The following SDC4 variants were observed in gnomAD, a reference collection of about 807,000 sequenced individuals.
SDC4 encodes syndecan 4, also known as syndecan-4.
A neutral mutation model predicts 20.5 loss-of-function variants in SDC4; 17 were observed. The observed-to-expected ratio is 0.83, with a 90% confidence interval of 0.57 to 1.25. SDC4 has a LOEUF of 1.25. Ranked by LOEUF, SDC4 falls within the 50% of genes most tolerant of loss-of-function variation. The pLI is 0.00. For synonymous variants in SDC4, 107 were observed against 105.3 expected, an observed-to-expected ratio of 1.02 and a Z score of -0.10; for missense variants, 241 against 252.3, an observed-to-expected ratio of 0.96 and a Z score of 0.30.
chr20:45,335,976 G>A, intron 1 of SDC4, 56 bp from the exon 2 acceptor site: 1 of 1,580,402 alleles, frequency 6.3e-7, no homozygotes, highest in Non-Finnish European at 8.6e-7. Context: ...CATGACAGCT[G>A]ATGCCCAAAA....
intron 1 of SDC4, among the ~76,000 whole-genome samples, chr20:45,337,240 G>A (rs1408417175): frequency 6.6e-6 from 1 of 152,196 alleles, no homozygotes; most frequent in Non-Finnish European, 1.5e-5. Flanking sequence ...CAGCAGCTCT[G>A]AGCAAAGTTC....
rs1369361054 is a variant in SDC4 at position 45,325,455 on chromosome 20, C to A, written c.*1809G>T. The A allele has an allele frequency of 6.5e-6, 1 of 152,720 alleles. No individual in the cohort carries two copies. The highest frequency in any genetic ancestry group is 1.5e-5 in the Non-Finnish European group (1 of 68,150). 9.5% of individuals were successfully genotyped at this position (152,720 alleles called of 1,614,324 possible). On this transcript the variant is annotated 3_prime_UTR_variant, in exon 5 of 5. Transcript: ENST00000372733. ...CTGGGACCCTGGGTTGCAGTGGTGACGGGAGCTAATGGCCACTGGTGCAGC... is the reference window on the plus strand; with the variant it reads ...CTGGGACCCTGGGTTGCAGTGGTGAAGGGAGCTAATGGCCACTGGTGCAGC...
At chr20:45,343,709 C>A (rs1267560291) in intron 1 of SDC4, among the ~76,000 whole-genome samples, 1 of 152,184 alleles carries the variant, frequency 6.6e-6, no homozygotes, top group African/African-American at 2.4e-5. Flanking sequence ...ATGGAGAAAG[C>A]TTTCCAGGAG....
chr20:45,328,700 C>T (rs773367184), intron 4 of SDC4, among the ~76,000 whole-genome samples: 1 of 152,080 alleles, frequency 6.6e-6, no homozygotes, highest in Non-Finnish European at 1.5e-5. Context: ...CGGTCTTACT[C>T]GGGCTAAGAA....
intron 1 of SDC4, among the ~76,000 whole-genome samples, chr20:45,348,118 C>A (rs558920748): frequency 1.3e-5 from 2 of 150,780 alleles, no homozygotes; most frequent in East Asian, 4.0e-4. Context: ...GAGCAACAGG[C>A]GAGGGGCGCA....
chr20:45,342,519 T>C (rs995842092), intron 1 of SDC4, among the ~76,000 whole-genome samples: 2 of 152,180 alleles, frequency 1.3e-5, no homozygotes, highest in Non-Finnish European at 2.9e-5. Context: ...ACCCCAGGTG[T>C]CACCTGACCA....
chr20:45,327,426 GGA>G lies in SDC4; in HGVS notation c.446-13_446-12del. On this transcript the variant is annotated splice_polypyrimidine_tract_variant and intron_variant, in intron 4 of 4. Coordinates refer to ENST00000372733, the MANE Select transcript of SDC4 (RefSeq NM_002999.4). Reference sequence around the variant, plus strand: ...CACCCACAATCAGAGCTGGAGAGGAGGAGAGAGAAGAGGCGGGGGTGAGAGCT... The same window carrying G: ...CACCCACAATCAGAGCTGGAGAGGAGGAGAGAAGAGGCGGGGGTGAGAGCT... 3.1e-6 allele frequency: 5 copies of G among 1,610,334 alleles called. No homozygotes were observed. The highest frequency in any genetic ancestry group is 2.5e-6 in the Non-Finnish European group (3 of 1,176,928).
rs1287849964 is a variant in SDC4, at chr20:45,330,372, G to A, written c.439C>T (p.Leu147=). The A allele has an allele frequency of 6.2e-7, 1 of 1,613,906 alleles. No homozygotes were observed. The change falls in exon 4 of 5, where the codon CTG becomes TTG. Residue 147 remains leucine (L), a synonymous_variant. Transcript: ENST00000372733. Reference sequence around the variant, plus strand: ...AAGCAGCATGGGGACTTACCTGCCAGGACCTCCGTTCTCTCAAAGATGTTG... The same window carrying A: ...AAGCAGCATGGGGACTTACCTGCCAAGACCTCCGTTCTCTCAAAGATGTTG... The part of the protein sequence containing the change: ...GSNIFERTEV[L]AALIVGGIVG...
intron 4 of SDC4, 113 bp from the exon 5 acceptor site, chr20:45,327,528 A>C: frequency 3.3e-6 from 4 of 1,212,438 alleles, no homozygotes; most frequent in Non-Finnish European, 1.1e-6. Flanking sequence ...CCTCACCATC[A>C]CCACTGCCTG....
At chr20:45,330,715 C>T (rs1487217563) in intron 3 of SDC4, 151 bp from the exon 4 acceptor site, 2 of 670,088 alleles carry the variant, frequency 3.0e-6, no homozygotes, top group East Asian at 5.5e-5. Flanking sequence ...ACACTGTCTC[C>T]ACAATTATGC....
Position 45,340,357 on chromosome 20 carries a change from G to T in SDC4, c.61-4437C>A, listed in dbSNP as rs1039999801. On this transcript the variant is annotated intron_variant, in intron 1 of 4. Transcript: ENST00000372733. The stretch of plus-strand genomic sequence containing the variant: ...TTGCAGATGAGAAGACTGAGGTTCA[G>T]CTGAGTCACTTATCCAACGTCATGC... Among the ~76,000 whole-genome samples the T allele has an allele frequency of 3.3e-5, 5 of 152,118 alleles. No homozygotes were observed. In the South Asian group the frequency reaches 1.0e-3, roughly 32 times the overall value.
chr20:45,348,247 C>T, intron 1 of SDC4, 78 bp downstream of exon 1: 1 of 1,177,676 alleles, frequency 8.5e-7, no homozygotes, highest in Non-Finnish European at 1.2e-6. Context: ...CCCCCCCCAT[C>T]CCACGCTCCG....
chr20:45,339,500 A>G (rs1290588006), intron 1 of SDC4, among the ~76,000 whole-genome samples: 1 of 152,224 alleles, frequency 6.6e-6, no homozygotes, highest in East Asian at 1.9e-4. Flanking sequence ...CTTAATCCCA[A>G]CATTTTGGGA....
chr20:45,339,447 GA>G (rs1333649439), intron 1 of SDC4, among the ~76,000 whole-genome samples: 1 of 152,246 alleles, frequency 6.6e-6, no homozygotes, highest in East Asian at 1.9e-4. Flanking sequence ...ACACACAACA[GA>G]AATTACCAAC....
chr20:45,343,943 T>C (rs1004940069), intron 1 of SDC4, among the ~76,000 whole-genome samples: 7 of 152,204 alleles, frequency 4.6e-5, no homozygotes, highest in African/African-American at 1.4e-4. Flanking sequence ...ACTGAATTCA[T>C]GTAGCCAGTA....
At position 45,348,398 on chromosome 20, in the gene SDC4, G is replaced by A. The variant is rs753726518; in HGVS notation, c.-14C>T. On this transcript the variant is annotated 5_prime_UTR_variant, in exon 1 of 5. Coordinates refer to ENST00000372733, the MANE Select transcript of SDC4 (RefSeq NM_002999.4). ...GGCGGGGGCCATGGCACCGCGGACT[G>A]GAGAAGGCGCGCAGGCTGCGGCGAG... The A allele has an allele frequency of 3.2e-6, 5 of 1,556,342 alleles. No homozygotes were observed. The African/African-American group carries it at 4.2e-5, about 13-fold the overall frequency.
At chr20:45,328,712 A>C (rs925450421) in intron 4 of SDC4, among the ~76,000 whole-genome samples, 2 of 152,152 alleles carry the variant, frequency 1.3e-5, no homozygotes, top group African/African-American at 4.8e-5. Context: ...GGCTAAGAAG[A>C]TTAATTTTCC....
At chr20:45,346,978 G>C (rs1052834777) in intron 1 of SDC4, among the ~76,000 whole-genome samples, 2 of 152,190 alleles carry the variant, frequency 1.3e-5, no homozygotes, top group Non-Finnish European at 2.9e-5. Flanking sequence ...CCCTGGGCAA[G>C]TTACTTAACC....
Position 45,326,352 on chromosome 20 carries a change from G to A in SDC4, c.*912C>T, listed in dbSNP as rs1484208955. ...GAAAGAGAACAAAGAAAGAAGAGGG[G>A]AAGGGAGGCCCTATCTAAAGCTATA... On this transcript the variant is annotated 3_prime_UTR_variant, in exon 5 of 5. Transcript: ENST00000372733. The A allele has an allele frequency of 2.1e-5, 3 of 139,896 alleles. No homozygotes were observed. Among genetic ancestry groups the A allele is most frequent in the Non-Finnish European group, 3.1e-5 (2 of 65,016 alleles). 8.7% of individuals were successfully genotyped at this position (139,896 alleles called of 1,614,324 possible). A position where few individuals can be genotyped will look rare whatever the true frequency, so the allele number is the denominator to read the frequency against.
Sources: gnomAD v4.1 joint callset for allele counts (sites outside exome capture counted in the v4.1 genomes callset) on GRCh38, gnomAD v4.1.1 for gene constraint, MANE v1.5 for transcripts, NCBI Gene and HGNC (gene_info 2026-07-23, HGNC 2026-07-21) for gene names.